SLC30A7: variants seen among roughly 807,000 people sequenced by gnomAD.
SLC30A7 encodes the protein solute carrier family 30 member 7, also known as zinc transporter 7.
SLC30A7 carries 35 observed loss-of-function variants against 46.0 expected under a neutral mutation model. The observed-to-expected ratio is 0.76, with a 90% CI of 0.58 to 1.01. The LOEUF (loss-of-function observed/expected upper bound fraction) is 1.01, where lower values mean the gene tolerates loss of function less well. SLC30A7 is among the 50% of genes least tolerant of loss of function. The pLI, the probability that SLC30A7 is intolerant of heterozygous loss-of-function variation, is 0.00. For synonymous variants in SLC30A7, 147 were observed against 157.8 expected (o/e 0.93, Z 0.51); for missense variants, 464 against 451.1 (o/e 1.03, Z -0.26).
chr1:100,918,214 G>A, intron 7 of SLC30A7, 87 bp downstream of exon 7: 2 of 1,134,672 alleles, frequency 1.8e-6, no homozygotes, highest in Non-Finnish European at 1.3e-6. Flanking sequence ...TTTCCTTTAA[G>A]AAAAATATAA....
intron 8 of SLC30A7, among the ~76,000 whole-genome samples, chr1:100,933,479 C>T (rs1653783517): frequency 6.6e-6 from 1 of 151,780 alleles, no homozygotes; most frequent in African/African-American, 2.4e-5. Flanking sequence ...AGGTTTGTTA[C>T]ATATGTGTAC....
intron 2 of SLC30A7, among the ~76,000 whole-genome samples, chr1:100,905,126 C>A (rs913126495): frequency 1.3e-5 from 2 of 152,010 alleles, no homozygotes; most frequent in Non-Finnish European, 2.9e-5. Context: ...AAGAACCTTA[C>A]AATAATACAC....
At chr1:100,963,882 AT>A (rs1655690046) in intron 9 of SLC30A7, among the ~76,000 whole-genome samples, 2 of 152,318 alleles carry the variant, frequency 1.3e-5, no homozygotes, top group South Asian at 4.1e-4. Context: ...TATTAAAGGA[AT>A]GACATCATGA....
intron 8 of SLC30A7, among the ~76,000 whole-genome samples, chr1:100,931,872 A>G (rs1653683672): frequency 6.6e-6 from 1 of 152,190 alleles, no homozygotes; most frequent in African/African-American, 2.4e-5. Context: ...CCTTTACCCT[A>G]AAGCCAAAAA....
At chr1:100,913,357 A>G (rs781237358) in intron 5 of SLC30A7, among the ~76,000 whole-genome samples, 11 of 152,166 alleles carry the variant, frequency 7.2e-5, no homozygotes, top group Admixed American at 2.0e-4. Flanking sequence ...AATGTTACCA[A>G]TAAATATTTC....
At chr1:100,901,907 C>G (rs904623227) in intron 2 of SLC30A7, among the ~76,000 whole-genome samples, 3 of 152,166 alleles carry the variant, frequency 2.0e-5, no homozygotes, top group African/African-American at 7.2e-5. Flanking sequence ...TTTGGTGTTT[C>G]AGTCATGTAA....
chr1:100,922,197 C>T (rs1260952556), intron 8 of SLC30A7, among the ~76,000 whole-genome samples: 1 of 152,000 alleles, frequency 6.6e-6, no homozygotes, highest in East Asian at 1.9e-4. Flanking sequence ...AACTCTTGAC[C>T]TCAGGTGATC....
chr1:100,984,246 C>T (rs1173136902), downstream of SLC30A7, among the ~76,000 whole-genome samples: 1 of 152,018 alleles, frequency 6.6e-6, no homozygotes, highest in Non-Finnish European at 1.5e-5. Flanking sequence ...TCTCTGTACC[C>T]CCACCACATG....
At chr1:100,941,115 G>T in intron 8 of SLC30A7, 1 of 331,006 alleles carries the variant, frequency 3.0e-6, no homozygotes, top group Non-Finnish European at 5.9e-6. Flanking sequence ...CACCATAGGG[G>T]CCAGATCTTC....
chr1:100,979,288 T>TAAAAAAA lies in SLC30A7; in HGVS notation c.*4436_*4442dup, dbSNP rs925781892. 1 of 145,536 alleles carries TAAAAAAA rather than the reference T, an allele frequency of 6.9e-6. No individual in the cohort carries two copies. Among genetic ancestry groups the TAAAAAAA allele is most frequent in the South Asian group, 2.2e-4 (1 of 4,622 alleles). The allele number at this position is 145,536 out of a possible 1,614,324, so 9.0% of individuals were successfully genotyped here. A position where few individuals can be genotyped will look rare whatever the true frequency, so the allele number is the denominator to read the frequency against. On this transcript the variant is annotated 3_prime_UTR_variant, in exon 11 of 11. Transcript: ENST00000357650. The stretch of plus-strand genomic sequence containing the variant: ...ATTTTCCAATTCATAAGAACTTTGG[T>TAAAAAAA]AAAAAAAAAAATAAAAGGAAATTAT...
At chr1:100,941,393 C>T (rs544747127) in intron 8 of SLC30A7, 40 of 397,624 alleles carry the variant, frequency 1.0e-4, no homozygotes, top group Middle Eastern at 8.2e-4. Context: ...TCACCCTTTT[C>T]GGCTAGATGA....
chr1:100,950,344 GTTA>G (rs1654889337), intron 8 of SLC30A7, among the ~76,000 whole-genome samples: 1 of 152,152 alleles, frequency 6.6e-6, no homozygotes, highest in African/African-American at 2.4e-5. Flanking sequence ...TTCTCACAGT[GTTA>G]TTTAAAATTT....
the SLC30A7 span, among the ~76,000 whole-genome samples, chr1:100,987,350 C>T: frequency 6.6e-6 from 1 of 152,120 alleles, no homozygotes; most frequent in Non-Finnish European, 1.5e-5. Flanking sequence ...TTCTGGAAAT[C>T]CAGTTACATA....
chr1:100,992,519 A>C, the SLC30A7 span: 3 of 647,692 alleles, frequency 4.6e-6, no homozygotes, highest in Non-Finnish European at 7.4e-6. Context: ...GACAAGAAAT[A>C]GTACAATACA....
intron 3 of SLC30A7, among the ~76,000 whole-genome samples, chr1:100,909,527 C>T (rs1232331822): frequency 1.3e-5 from 2 of 152,104 alleles, no homozygotes; most frequent in East Asian, 3.8e-4. Context: ...AATTAGGCAA[C>T]AGCACATTCA....
chr1:100,963,498 A>G (rs1655668457), intron 9 of SLC30A7, among the ~76,000 whole-genome samples: 1 of 152,176 alleles, frequency 6.6e-6, no homozygotes, highest in East Asian at 1.9e-4. Context: ...TGGATTAAGG[A>G]GAAAATGAAT....
intron 6 of SLC30A7, among the ~76,000 whole-genome samples, chr1:100,917,564 A>G (rs549533652): frequency 1.8e-4 from 28 of 152,322 alleles, no homozygotes; most frequent in African/African-American, 6.5e-4. Context: ...ATGTTTAGAG[A>G]TAGAAATTAT....
chr1:100,942,719 G>T (rs1654421265), intron 8 of SLC30A7, among the ~76,000 whole-genome samples: 1 of 152,186 alleles, frequency 6.6e-6, no homozygotes, highest in Admixed American at 6.5e-5. Context: ...TCTATGCAAG[G>T]CTGGTTTATG....
intron 2 of SLC30A7, among the ~76,000 whole-genome samples, chr1:100,898,910 A>AT (rs1338596219): frequency 6.6e-6 from 1 of 152,148 alleles, no homozygotes; most frequent in Non-Finnish European, 1.5e-5. Flanking sequence ...ATAACCAAGA[A>AT]TTTTTTTCCT....
Sources: gnomAD v4.1 joint callset for allele counts (sites outside exome capture counted in the v4.1 genomes callset) on GRCh38, gnomAD v4.1.1 for gene constraint, MANE v1.5 for transcripts, NCBI Gene and HGNC (gene_info 2026-07-23, HGNC 2026-07-21) for gene names.